The following ARHGEF33 variants were observed in gnomAD, a reference collection of about 807,000 sequenced individuals.
ARHGEF33 encodes the protein Rho guanine nucleotide exchange factor 33, also known as DH and coiled-coil domain-containing protein ENSP00000381780.
In ARHGEF33, 72 loss-of-function variants were observed where a neutral mutation model predicts 101.9. That is an observed-to-expected ratio of 0.71 (90% CI 0.58 to 0.86). ARHGEF33 has a LOEUF of 0.86. ARHGEF33 is among the 40% of genes least tolerant of loss of function. The pLI is 0.00. For synonymous variants in ARHGEF33, 499 were observed against 442.5 expected, an observed-to-expected ratio of 1.13 and a Z score of -1.60; for missense variants, 1,169 against 1,111.3, an observed-to-expected ratio of 1.05 and a Z score of -0.74.
intron 2 of ARHGEF33, among the ~76,000 whole-genome samples, chr2:38,899,282 A>G (rs1215705418): frequency 1.3e-5 from 2 of 152,190 alleles, no homozygotes; most frequent in South Asian, 2.1e-4. Flanking sequence ...AAAATATTTG[A>G]TAATTTTTTA....
At chr2:38,936,069 T>C (rs78749980) in intron 8 of ARHGEF33, among the ~76,000 whole-genome samples, 7,613 of 152,290 alleles carry the variant, frequency 0.05, 219 homozygotes, top group Middle Eastern at 0.061. Context: ...TGTTTCATTT[T>C]TTCTGGCTTA....
chr2:38,959,737 G>T, intron 15 of ARHGEF33, 104 bp from the exon 16 acceptor site: 1 of 1,280,554 alleles, frequency 7.8e-7, no homozygotes, highest in Non-Finnish European at 1.1e-6. Flanking sequence ...GAGGTGGCAT[G>T]CACAGGCGCC....
intron 13 of ARHGEF33, among the ~76,000 whole-genome samples, chr2:38,956,316 T>C (rs1294439876): frequency 6.6e-6 from 1 of 152,204 alleles, no homozygotes; most frequent in Non-Finnish European, 1.5e-5. Flanking sequence ...ACTTGTTAAA[T>C]GGAGTTTATA....
Position 38,928,894 on chromosome 2 carries a change from A to T in ARHGEF33, c.76-13A>T. The T allele has an allele frequency of 3.3e-6, 5 of 1,537,464 alleles. No homozygotes were observed. Among genetic ancestry groups the T allele is most frequent in the Non-Finnish European group, 4.4e-6 (5 of 1,141,688 alleles). On this transcript the variant is annotated splice_polypyrimidine_tract_variant and intron_variant, in intron 4 of 17. Coordinates refer to ENST00000409978, the MANE Select transcript of ARHGEF33 (RefSeq NM_001145451.5). ...TTCCAGCAAATTGAATTAACTTTTCATGCATTATTTAGTTGCAGGCCCTAG... is the reference window on the plus strand; with the variant it reads ...TTCCAGCAAATTGAATTAACTTTTCTTGCATTATTTAGTTGCAGGCCCTAG...
chr2:38,890,968 G>T (rs935379286), intron 1 of ARHGEF33, among the ~76,000 whole-genome samples: 11 of 145,028 alleles, frequency 7.6e-5, no homozygotes, highest in Middle Eastern at 3.6e-3. Flanking sequence ...CATACTATTG[G>T]TTTTTTTTTT....
intron 7 of ARHGEF33, 83 bp downstream of exon 7, chr2:38,931,334 T>G (rs1431738979): frequency 3.2e-6 from 4 of 1,248,882 alleles, no homozygotes; most frequent in Non-Finnish European, 4.3e-6. Flanking sequence ...ACCCTCCATC[T>G]TTGTTAGAAG....
At position 38,958,198 on chromosome 2, in the gene ARHGEF33, C is replaced by G; in HGVS notation, c.1535C>G (p.Thr512Arg). Reference protein sequence around the residue: ...PSAPSSGPAITHLMPPVKKSQ... With the variant: ...PSAPSSGPAIRHLMPPVKKSQ... ...GCTCCCAGTTCTGGCCCTGCCATCA[C>G]GTAAGCACCTGTTGCTGTGGGAAGG... The change falls in exon 15 of 18, where the codon ACA (threonine) becomes AGA (arginine). Residue 512 changes from threonine (T) to arginine (R), a missense_variant and splice_region_variant. By Grantham distance (71) the Thr-to-Arg change is moderately conservative. Coordinates refer to ENST00000409978, the MANE Select transcript of ARHGEF33 (RefSeq NM_001145451.5). 6.4e-7 allele frequency: 1 copy of G among 1,551,520 alleles called. No homozygotes were observed. Among genetic ancestry groups the G allele is most frequent in the African/African-American group, 1.4e-5 (1 of 73,150 alleles).
At chr2:38,961,060 G>A (rs949996210) in intron 16 of ARHGEF33, among the ~76,000 whole-genome samples, 7 of 152,214 alleles carry the variant, frequency 4.6e-5, no homozygotes, top group Admixed American at 2.0e-4. Flanking sequence ...CCGGGCCAGT[G>A]TGTTTCTTCT....
intron 8 of ARHGEF33, 43 bp from the exon 9 acceptor site, chr2:38,937,292 A>T: frequency 1.1e-6 from 1 of 873,746 alleles, no homozygotes; most frequent in Non-Finnish European, 1.8e-6. Flanking sequence ...AGATTTTGAT[A>T]GCAGTTTTCT....
chr2:38,931,384 G>T, intron 7 of ARHGEF33, 133 bp downstream of exon 7: 1 of 748,312 alleles, frequency 1.3e-6, no homozygotes. Flanking sequence ...CTTGTAACTG[G>T]AATTCAGAAG....
At chr2:38,904,718 A>AAC (rs1666349833) in intron 2 of ARHGEF33, among the ~76,000 whole-genome samples, 1 of 151,738 alleles carries the variant, frequency 6.6e-6, no homozygotes, top group Non-Finnish European at 1.5e-5. Context: ...AAAAAAAAAA[A>AAC]AAAAGGAAAA....
chr2:38,966,034 T>A lies in ARHGEF33; in HGVS notation c.2372T>A (p.Phe791Tyr). The stretch of plus-strand genomic sequence containing the variant: ...ATGCATTTAGAAGATACTACCAGAT[T>A]CTGTCCCAAAGAAGAAAGAGAAAGT... ...REMHLEDTTR[F>Y]CPKEERESEQ... Residue 791 changes from phenylalanine (F) to tyrosine (Y), a missense_variant, in exon 17 of 18, where the codon TTC (phenylalanine) becomes TAC (tyrosine). Phe to Tyr is a conservative substitution (Grantham distance 22, BLOSUM62 3). Coordinates refer to ENST00000409978, the MANE Select transcript of ARHGEF33 (RefSeq NM_001145451.5). The A allele has an allele frequency of 6.4e-7, 1 of 1,551,698 alleles. No individual in the cohort carries two copies.
At chr2:38,916,377 A>G (rs1666635286) in intron 2 of ARHGEF33, among the ~76,000 whole-genome samples, 1 of 152,192 alleles carries the variant, frequency 6.6e-6, no homozygotes, top group Non-Finnish European at 1.5e-5. Flanking sequence ...CAAATGAAGA[A>G]CTTGGATAGA....
intron 2 of ARHGEF33, among the ~76,000 whole-genome samples, chr2:38,910,835 G>A (rs948789997): frequency 6.6e-6 from 1 of 152,088 alleles, no homozygotes; most frequent in Non-Finnish European, 1.5e-5. Flanking sequence ...AGTGACAATG[G>A]TACCTTAAAG....
At chr2:38,904,536 TC>T (rs1467585078) in intron 2 of ARHGEF33, among the ~76,000 whole-genome samples, 1 of 151,754 alleles carries the variant, frequency 6.6e-6, no homozygotes, top group Non-Finnish European at 1.5e-5. Context: ...CAAAATCCCA[TC>T]CCTACTAAAA....
At chr2:38,966,924 A>G (rs773554986) in intron 17 of ARHGEF33, among the ~76,000 whole-genome samples, 17 of 151,962 alleles carry the variant, frequency 1.1e-4, no homozygotes, top group African/African-American at 2.7e-4. Flanking sequence ...TGCTGTTTCA[A>G]TCTCCACTGG....
intron 7 of ARHGEF33, among the ~76,000 whole-genome samples, chr2:38,933,488 G>A (rs389023): frequency 0.4 from 60,237 of 151,722 alleles, 14,109 homozygotes; most frequent in African/African-American, 0.65. Flanking sequence ...GGTTCAAGCA[G>A]TTCTCCAGCC....
intron 2 of ARHGEF33, among the ~76,000 whole-genome samples, chr2:38,905,553 G>T (rs1666369936): frequency 6.6e-6 from 1 of 152,182 alleles, no homozygotes; most frequent in Non-Finnish European, 1.5e-5. Flanking sequence ...CTTTCCTAAG[G>T]CCCCACAGTA....
At chr2:38,968,280 T>C (rs1351886530) in intron 17 of ARHGEF33, among the ~76,000 whole-genome samples, 1 of 152,146 alleles carries the variant, frequency 6.6e-6, no homozygotes, top group South Asian at 2.1e-4. Context: ...TGGTCAGGGA[T>C]GCTATGAAAG....
Sources: gnomAD v4.1 joint callset for allele counts (sites outside exome capture counted in the v4.1 genomes callset) on GRCh38, gnomAD v4.1.1 for gene constraint, MANE v1.5 for transcripts, NCBI Gene and HGNC (gene_info 2026-07-23, HGNC 2026-07-21) for gene names.